KMT2C: variants seen among roughly 807,000 people sequenced by gnomAD.
The protein encoded by KMT2C is lysine methyltransferase 2C.
Under a neutral mutation model 507.9 loss-of-function variants are expected in KMT2C, and 88 were observed. That is an observed-to-expected ratio of 0.17 (90% CI 0.15 to 0.21). The LOEUF (loss-of-function observed/expected upper bound fraction) is 0.21. Among genes scored for constraint, KMT2C ranks in the 10% least tolerant of loss-of-function variants. The pLI, the probability that KMT2C is intolerant of heterozygous loss-of-function variation, is 1.00. For missense variants in KMT2C, 4,954 were observed against 5,957.8 expected (o/e 0.83, Z 5.55); for synonymous variants, 2,049 against 2,080.8 (o/e 0.98, Z 0.42).
rs1300592903 is a variant in KMT2C, at chr7:152,177,991, T to C, written c.7462A>G (p.Ser2488Gly). 1 of 1,080,600 alleles carries C rather than the reference T, an allele frequency of 9.3e-7. No homozygotes were observed. The highest frequency in any genetic ancestry group is 1.2e-6 in the Non-Finnish European group (1 of 863,402). 66.9% of individuals were successfully genotyped at this position (1,080,600 alleles called of 1,614,324 possible). A position where few individuals can be genotyped will look rare whatever the true frequency, so the allele number is the denominator to read the frequency against. ...HGFRFGFPGG[S>G]HGTMPSQERF... ...TCTTGACTCGGCATGGTACCATGAC[T>C]ACCTCCTGGAAATCCAAATCTTTTA... Residue 2488 changes from serine to glycine, a missense_variant, in exon 38 of 59, where the codon AGT (serine) becomes GGT (glycine). Transcript: ENST00000262189.
chr7:152,164,378 C>G (rs2092628355), intron 42 of KMT2C, among the ~76,000 whole-genome samples: 1 of 151,570 alleles, frequency 6.6e-6, no homozygotes, highest in Non-Finnish European at 1.5e-5. Context: ...CAAGCTCCGC[C>G]TCCCGGGTTC....
At chr7:152,397,594 G>A (rs1269047530) in intron 1 of KMT2C, among the ~76,000 whole-genome samples, 1 of 152,058 alleles carries the variant, frequency 6.6e-6, no homozygotes, top group Non-Finnish European at 1.5e-5. Flanking sequence ...GATCCCTTGA[G>A]TATAACACAC....
At chr7:152,187,649 T>G (rs1271451021) in intron 32 of KMT2C, 66 bp downstream of exon 32, 1 of 1,545,702 alleles carries the variant, frequency 6.5e-7, no homozygotes, top group Non-Finnish European at 8.8e-7. Context: ...TTAAGCAGAC[T>G]AATTTATATA....
chr7:152,351,597 T>G (rs148837893), intron 2 of KMT2C, among the ~76,000 whole-genome samples: 28 of 152,310 alleles, frequency 1.8e-4, no homozygotes, highest in Admixed American at 6.5e-4. Context: ...TTGTGGGAAG[T>G]CAGGGACCCC....
intron 9 of KMT2C, among the ~76,000 whole-genome samples, chr7:152,255,372 C>T (rs1184822605): frequency 1.3e-5 from 2 of 151,486 alleles, no homozygotes; most frequent in African/African-American, 2.4e-5. Context: ...CACCATATTG[C>T]CCAGGTTTGT....
rs1042512265 is a variant in KMT2C, at chr7:152,308,754, A to G, written c.849+1212T>C. ...AAACTCCCAGCACTTTGAGAGGCCA[A>G]GAAGAGAAGAGAGGATCCCTTGGGT... On this transcript the variant is annotated intron_variant, in intron 6 of 58. Transcript: ENST00000262189. 1.1e-4 allele frequency among the ~76,000 whole-genome samples: 17 copies of G among 151,602 alleles called. No homozygotes were observed. The East Asian group carries it at 2.9e-3, about 26-fold the overall frequency.
At chr7:152,358,419 G>GT (rs1174540445) in intron 2 of KMT2C, among the ~76,000 whole-genome samples, 168 bp downstream of exon 2, 2 of 152,128 alleles carry the variant, frequency 1.3e-5, no homozygotes, top group Non-Finnish European at 2.9e-5. Flanking sequence ...AGAGGGCTCA[G>GT]TTTTTTCACT....
chr7:152,246,291 ATACT>A (rs2095471783), intron 14 of KMT2C, among the ~76,000 whole-genome samples: 2 of 152,170 alleles, frequency 1.3e-5, no homozygotes. Flanking sequence ...AGCCTACAAA[ATACT>A]TACAAGAGTA....
intron 1 of KMT2C, among the ~76,000 whole-genome samples, chr7:152,430,494 C>G (rs2097855123): frequency 6.6e-6 from 1 of 152,210 alleles, no homozygotes; most frequent in Admixed American, 6.5e-5. Flanking sequence ...ACGAGGGTAT[C>G]TAACACGTCC....
chr7:152,367,353 C>G, intron 1 of KMT2C: 1 of 774,114 alleles, frequency 1.3e-6, no homozygotes, highest in Non-Finnish European at 2.2e-6. Context: ...GCAGACACCC[C>G]AGGGAGCACC....
At chr7:152,168,096 CTCT>C (rs2092811134) in intron 41 of KMT2C, among the ~76,000 whole-genome samples, 1 of 151,974 alleles carries the variant, frequency 6.6e-6, no homozygotes, top group Non-Finnish European at 1.5e-5. Flanking sequence ...TACCAATATT[CTCT>C]TCTTTATTCT....
Position 152,177,104 on chromosome 7 carries a change from A to C in KMT2C, c.8349T>G (p.Asp2783Glu), listed in dbSNP as rs1166220153. 2 of 1,613,058 alleles carry C rather than the reference A, an allele frequency of 1.2e-6. No homozygotes were observed. The highest frequency in any genetic ancestry group is 2.2e-5 in the East Asian group (1 of 44,850). Residue 2783 changes from aspartate to glutamate, a missense_variant, in exon 38 of 59, where the codon GAT (aspartate) becomes GAG (glutamate). Physicochemically the swap from Asp to Glu is conservative, Grantham distance 45. This residue lies in a region of KMT2C where 1,689 missense variants were observed against 1,654.3 expected (regional missense o/e 1.02). Transcript: ENST00000262189. ...FNEELDLPID[D>E]KLDNQCVSVE... ...CAGATACACACTGATTATCTAACTT[A>C]TCATCAATTGGAAGGTCTAGTTCCT...
At position 152,157,397 on chromosome 7, in the gene KMT2C, T is replaced by C. The variant is rs529889771; in HGVS notation, c.11671-1051A>G. ...TTAATACCTAAATTATTAGATATACTTAAAATTGTTTAATTTCATTTTTCA... is the reference window on the plus strand; with the variant it reads ...TTAATACCTAAATTATTAGATATACCTAAAATTGTTTAATTTCATTTTTCA... On this transcript the variant is annotated intron_variant, in intron 44 of 58. Coordinates refer to ENST00000262189, the MANE Select transcript of KMT2C (RefSeq NM_170606.3). 1.4e-3 allele frequency among the ~76,000 whole-genome samples: 208 copies of C among 152,242 alleles called. 1 individual carries two copies. Among genetic ancestry groups the C allele is most frequent in the Admixed American group, 3.7e-3 (56 of 15,284 alleles).
rs556202254 is a variant in KMT2C at position 152,325,927 on chromosome 7, A to T, written c.389+4674T>A. Among the ~76,000 whole-genome samples, 23 of 146,390 alleles carry T rather than the reference A, an allele frequency of 1.6e-4. No individual in the cohort carries two copies. In the East Asian group the frequency reaches 3.5e-3, roughly 22 times the overall value. The stretch of plus-strand genomic sequence containing the variant: ...TAGGTCTTTCTTTTTTTTTTTTTTT[A>T]AAGTATGTCTAATTGTTCTAGCACA... On this transcript the variant is annotated intron_variant, in intron 3 of 58. Coordinates refer to ENST00000262189, the MANE Select transcript of KMT2C (RefSeq NM_170606.3).
At chr7:152,349,897 T>C (rs1271238196) in intron 2 of KMT2C, among the ~76,000 whole-genome samples, 1 of 152,136 alleles carries the variant, frequency 6.6e-6, no homozygotes, top group East Asian at 1.9e-4. Context: ...AGGGGATTTA[T>C]GGGAGATTTC....
chr7:152,159,283 G>A (rs1313995840), intron 43 of KMT2C, among the ~76,000 whole-genome samples: 8 of 152,274 alleles, frequency 5.3e-5, no homozygotes, highest in East Asian at 1.9e-4. Context: ...AGTAAGCTGC[G>A]AAGCTTGAGG....
At chr7:152,204,821 T>C (rs144119763) in intron 25 of KMT2C, among the ~76,000 whole-genome samples, 1,886 of 152,150 alleles carry the variant, frequency 0.012, 21 homozygotes, top group Middle Eastern at 0.017. Context: ...TATTTAATAA[T>C]TTGATACAGG....
chr7:152,162,436 T>C lies in KMT2C; in HGVS notation c.11141A>G (p.Lys3714Arg), dbSNP rs775834896. ...CTTTTCCAGTTTTATCTCTTCTGTT[T>C]TGGCAGGGGTTTCCATGGAGAGCTT... Reference protein sequence around the residue: ...VDKLSMETPAKTEEIKLEKAE... With the variant: ...VDKLSMETPARTEEIKLEKAE... The change falls in exon 43 of 59, where the codon AAA becomes AGA. Residue 3714 changes from lysine to arginine, a missense_variant. Around this residue, in one of 29 missense-constraint regions of KMT2C, gnomAD observed 801 missense variants for 751.2 expected, o/e 1.07. Coordinates refer to ENST00000262189, the MANE Select transcript of KMT2C (RefSeq NM_170606.3). 2.0e-5 allele frequency: 32 copies of C among 1,614,140 alleles called. No homozygotes were observed. Among genetic ancestry groups the C allele is most frequent in the Middle Eastern group, 1.6e-4 (1 of 6,084 alleles).
At chr7:152,348,599 T>TAAAAAAAAAAAAAAA (rs201530125) in intron 2 of KMT2C, among the ~76,000 whole-genome samples, 3 of 48,990 alleles carry the variant, frequency 6.1e-5, no homozygotes, top group Admixed American at 2.6e-4. Flanking sequence ...AACTCTGTCT[T>TAAAAAAAAAAAAAAA]AAAAAAAAAA....
Sources: gnomAD v4.1 joint callset for allele counts (sites outside exome capture counted in the v4.1 genomes callset) on GRCh38, gnomAD v4.1.1 for gene constraint, gnomAD v4.1.1 regional missense constraint, MANE v1.5 for transcripts, NCBI Gene and HGNC (gene_info 2026-07-23, HGNC 2026-07-21) for gene names.